VPS8: variants seen among roughly 807,000 people sequenced by gnomAD.
VPS8 encodes the protein VPS8 subunit of CORVET complex, also known as vacuolar protein sorting-associated protein 8 homolog.
Under a neutral mutation model 216.4 loss-of-function variants are expected in VPS8, and 129 were observed. That is an observed-to-expected ratio of 0.60 (90% confidence interval 0.52 to 0.69). The LOEUF is 0.69. Ranked by LOEUF, VPS8 falls within the 30% of genes least tolerant of loss-of-function variation. The pLI, the probability that VPS8 is intolerant of heterozygous loss-of-function variation, is 0.00. For missense variants in VPS8, 1,531 were observed against 1,683.5 expected (o/e 0.91, Z 1.59); for synonymous variants, 571 against 565.4 (o/e 1.01, Z -0.14).
chr3:184,918,632 C>T (rs528578415), intron 28 of VPS8, among the ~76,000 whole-genome samples: 7 of 152,168 alleles, frequency 4.6e-5, no homozygotes, highest in Non-Finnish European at 1.0e-4. Flanking sequence ...TACTTGCTGC[C>T]AAAAGGAAAA....
In VPS8 at chr3:184,868,022, A is replaced by G. The variant is rs777941737; in HGVS notation, c.1471-2A>G. 1.9e-6 allele frequency: 3 copies of G among 1,612,640 alleles called. No homozygotes were observed. Among genetic ancestry groups the G allele is most frequent in the Admixed American group, 1.7e-5 (1 of 59,966 alleles). ...TTTAATTTCCATCTCTTTACTTTCC[A>G]GTCTGTTTATGTGATGATGCTGAGG... On this transcript the variant is annotated splice_acceptor_variant, in intron 17 of 47. Coordinates refer to ENST00000625842, the MANE Select transcript of VPS8 (RefSeq NM_001009921.3). LOFTEE classifies it high-confidence loss of function.
intron 5 of VPS8, among the ~76,000 whole-genome samples, chr3:184,837,951 A>G (rs1411283842): frequency 1.3e-5 from 2 of 152,234 alleles, no homozygotes; most frequent in Admixed American, 6.5e-5. Context: ...GTAGTGTAAT[A>G]TCTGTATACG....
At chr3:185,021,070 C>T (rs1470601653) in intron 45 of VPS8, among the ~76,000 whole-genome samples, 1 of 152,026 alleles carries the variant, frequency 6.6e-6, no homozygotes, top group Non-Finnish European at 1.5e-5. Context: ...AAGACTCCAT[C>T]TCAAAAAAAA....
chr3:184,984,057 G>A (rs573229179), intron 42 of VPS8, among the ~76,000 whole-genome samples: 2 of 150,134 alleles, frequency 1.3e-5, no homozygotes, highest in Non-Finnish European at 3.0e-5. Context: ...GGTGGCAGGC[G>A]CCTGTAGTCC....
At chr3:184,819,542 G>A (rs1717088666) in intron 1 of VPS8, among the ~76,000 whole-genome samples, 1 of 152,174 alleles carries the variant, frequency 6.6e-6, no homozygotes, top group South Asian at 2.1e-4. Flanking sequence ...GAAATATTAA[G>A]CATCATATAG....
At chr3:184,836,798 C>T (rs1417507893) in intron 5 of VPS8, among the ~76,000 whole-genome samples, 1 of 152,154 alleles carries the variant, frequency 6.6e-6, no homozygotes. Flanking sequence ...GGGCCTTGAT[C>T]ACAGTTTTGG....
At chr3:184,831,399 A>G (rs1221557679) in intron 3 of VPS8, among the ~76,000 whole-genome samples, 1 of 152,246 alleles carries the variant, frequency 6.6e-6, no homozygotes, top group Non-Finnish European at 1.5e-5. Context: ...AGCATCAGCA[A>G]GGTCGGTAGG....
chr3:184,895,613 TCCCCCCCTCCTCCTC>T (rs1560569072), intron 23 of VPS8, among the ~76,000 whole-genome samples: 4 of 970 alleles, frequency 4.1e-3, no homozygotes, highest in East Asian at 0.013. Context: ...CCCCTCCTCC[TCCCCCCCTCCTCCTC>T]CCCCCCCCCC....
chr3:184,987,170 T>C, intron 42 of VPS8, among the ~76,000 whole-genome samples: 1 of 152,054 alleles, frequency 6.6e-6, no homozygotes, highest in Non-Finnish European at 1.5e-5. Flanking sequence ...CTGGAGTACA[T>C]TGGCGTGATC....
chr3:184,849,287 T>C, intron 9 of VPS8, 92 bp downstream of exon 9: 2 of 1,419,860 alleles, frequency 1.4e-6, no homozygotes, highest in Non-Finnish European at 1.9e-6. Context: ...CCAAAATACG[T>C]GTTATGAAGT....
At chr3:184,923,706 C>T (rs761092721) in intron 29 of VPS8, among the ~76,000 whole-genome samples, 5 of 152,150 alleles carry the variant, frequency 3.3e-5, no homozygotes, top group Non-Finnish European at 7.4e-5. Flanking sequence ...CTGCATGCTG[C>T]TGCATTCTAA....
At position 184,846,996 on chromosome 3, in the gene VPS8, G is replaced by A. The variant is rs573344799; in HGVS notation, c.542-2075G>A. ...GAAGTTTTATAATTTGGATTAAATC[G>A]AGGAAGGGTGAAAAAATTGTAAGGA... On this transcript the variant is annotated intron_variant, in intron 8 of 47. Coordinates refer to ENST00000625842, the MANE Select transcript of VPS8 (RefSeq NM_001009921.3). Among the ~76,000 whole-genome samples, 4 of 152,280 alleles carry A rather than the reference G, an allele frequency of 2.6e-5. No individual in the cohort carries two copies. The South Asian group carries it at 6.2e-4, about 24-fold the overall frequency.
chr3:184,844,712 G>A (rs753111860), intron 8 of VPS8, among the ~76,000 whole-genome samples: 3 of 151,722 alleles, frequency 2.0e-5, no homozygotes, highest in Non-Finnish European at 2.9e-5. Flanking sequence ...TCCAGAATAT[G>A]CTGAGGAGAT....
chr3:184,899,577 G>C (rs1734116689), intron 24 of VPS8, among the ~76,000 whole-genome samples: 1 of 152,052 alleles, frequency 6.6e-6, no homozygotes, highest in African/African-American at 2.4e-5. Context: ...GGCCCTGATT[G>C]TCTGTTATCT....
chr3:184,957,793 T>C (rs1477012041), intron 37 of VPS8, among the ~76,000 whole-genome samples: 2 of 152,172 alleles, frequency 1.3e-5, no homozygotes. Flanking sequence ...AACTGTATTT[T>C]AACAAAGAGC....
rs373543775 is a variant in VPS8 at position 184,924,909 on chromosome 3, C to T, written c.2502C>T (p.Leu834=). 9.6e-5 allele frequency: 155 copies of T among 1,613,320 alleles called. No homozygotes were observed. The highest frequency in any genetic ancestry group is 1.3e-4 in the Non-Finnish European group (150 of 1,179,796). ...SDFTPSQVGC[L]FTFLARQLAK... ...TTACCCCCTCACAAGTAGGATGTCT[C>T]TTTACCTTCCTTGCTCGGCAGCTTG... The change falls in exon 30 of 48, where the codon CTC becomes CTT. Residue 834 remains leucine (L), a synonymous_variant. Transcript: ENST00000625842.
rs765071677 is a variant in VPS8, at chr3:184,928,503, G to A, written c.2684G>A (p.Arg895Gln). ...GGCATAGTTCAATTTGAAGAGAGTCGACTCATCCGGATGGCAGAAAAAGCT... is the reference window on the plus strand; with the variant it reads ...GGCATAGTTCAATTTGAAGAGAGTCAACTCATCCGGATGGCAGAAAAAGCT... ...AGGIVQFEES[R>Q]LIRMAEKAEF... Residue 895 changes from arginine to glutamine, a missense_variant, in exon 32 of 48, where the codon CGA becomes CAA. Arg to Gln is a conservative substitution (Grantham distance 43, BLOSUM62 1). Around this residue, in one of 3 missense-constraint regions of VPS8, gnomAD observed 1,318 missense variants for 1,468.4 expected, o/e 0.90. Transcript: ENST00000625842. The A allele has an allele frequency of 1.4e-5, 22 of 1,532,542 alleles. No individual in the cohort carries two copies. Among genetic ancestry groups the A allele is most frequent in the Non-Finnish European group, 1.9e-5 (22 of 1,151,552 alleles). 94.9% of individuals were successfully genotyped at this position (1,532,542 alleles called of 1,614,324 possible).
chr3:185,012,605 A>T (rs1327437896), intron 45 of VPS8, among the ~76,000 whole-genome samples: 3 of 152,006 alleles, frequency 2.0e-5, no homozygotes, highest in Non-Finnish European at 4.4e-5. Flanking sequence ...ACCAAAGATG[A>T]TGAAGAAATC....
chr3:185,023,022 C>A (rs1010077497), intron 45 of VPS8, among the ~76,000 whole-genome samples: 3 of 152,124 alleles, frequency 2.0e-5, no homozygotes, highest in African/African-American at 4.8e-5. Flanking sequence ...ACTGGACATA[C>A]ATAAAGTGTA....
Sources: gnomAD v4.1 joint callset for allele counts (sites outside exome capture counted in the v4.1 genomes callset) on GRCh38, gnomAD v4.1.1 for gene constraint, gnomAD v4.1.1 regional missense constraint, MANE v1.5 for transcripts, NCBI Gene and HGNC (gene_info 2026-07-23, HGNC 2026-07-21) for gene names.